CDH12: variants seen among roughly 807,000 people sequenced by gnomAD.
The protein encoded by CDH12 is cadherin-12.
Under a neutral mutation model 74.1 loss-of-function variants are expected in CDH12, and 41 were observed. The observed-to-expected ratio is 0.55, with a 90% CI of 0.43 to 0.72. The LOEUF is 0.72. Among genes scored for constraint, CDH12 ranks in the 30% least tolerant of loss-of-function variants. CDH12 has a pLI of 0.00. For missense variants in CDH12, 945 were observed against 977.2 expected, an observed-to-expected ratio of 0.97 and a Z score of 0.44; for synonymous variants, 399 against 355.0, an observed-to-expected ratio of 1.12 and a Z score of -1.39.
chr5:22,382,007 T>C (rs1741777083), intron 3 of CDH12, among the ~76,000 whole-genome samples: 2 of 148,572 alleles, frequency 1.3e-5, no homozygotes, highest in South Asian at 4.2e-4. Context: ...ATTGAGTCCC[T>C]TTATGTTGCT....
chr5:22,060,276 C>T (rs1741098366), intron 5 of CDH12, among the ~76,000 whole-genome samples: 2 of 149,296 alleles, frequency 1.3e-5, no homozygotes, highest in African/African-American at 2.5e-5. Context: ...AATAAGAACA[C>T]ATGGGCACAG....
chr5:22,688,354 G>T (rs1420076442), intron 1 of CDH12, among the ~76,000 whole-genome samples: 1 of 152,096 alleles, frequency 6.6e-6, no homozygotes, highest in Admixed American at 6.6e-5. Flanking sequence ...AGTCATGTGG[G>T]TATAATGATA....
At chr5:22,570,657 T>C (rs1739495930) in intron 1 of CDH12, among the ~76,000 whole-genome samples, 1 of 152,228 alleles carries the variant, frequency 6.6e-6, no homozygotes, top group Non-Finnish European at 1.5e-5. Context: ...AGATTTAGCA[T>C]AATTCTTAAG....
intron 1 of CDH12, among the ~76,000 whole-genome samples, chr5:22,715,543 A>T (rs540309889): frequency 6.6e-6 from 1 of 152,130 alleles, no homozygotes; most frequent in Admixed American, 6.6e-5. Context: ...TAGCAAATAC[A>T]TAGAAATACA....
intron 4 of CDH12, among the ~76,000 whole-genome samples, chr5:22,175,996 CT>C (rs1749315042): frequency 6.7e-6 from 1 of 148,578 alleles, no homozygotes; most frequent in Non-Finnish European, 1.5e-5. Context: ...CTGGTATCTC[CT>C]TCCCGGAACC....
chr5:22,474,166 C>G (rs1746076044), intron 2 of CDH12, among the ~76,000 whole-genome samples: 1 of 152,036 alleles, frequency 6.6e-6, no homozygotes, highest in Non-Finnish European at 1.5e-5. Context: ...TCCTGAAAAA[C>G]AGAGAAGGAT....
At chr5:21,760,822 T>C in intron 12 of CDH12, 147 bp from the exon 13 acceptor site, 1 of 649,264 alleles carries the variant, frequency 1.5e-6, no homozygotes, top group East Asian at 2.7e-5. Context: ...TTACACATAA[T>C]GTTTATAAAC....
intron 1 of CDH12, among the ~76,000 whole-genome samples, chr5:22,784,399 CT>C (rs1315194773): frequency 6.6e-6 from 1 of 152,128 alleles, no homozygotes; most frequent in Non-Finnish European, 1.5e-5. Flanking sequence ...ACTTAACACT[CT>C]TTCACCTTCC....
rs762886930 is a variant in CDH12, at chr5:22,060,835, G to A, written c.231+17611C>T. On this transcript the variant is annotated intron_variant, in intron 5 of 14. Transcript: ENST00000382254. ...CCCAGTAAAATAGAGAAAATGTCAC[G>A]CTCCGAAACAAAGGAGAAGAGTTGC... Among the ~76,000 whole-genome samples, 36 of 152,152 alleles carry A rather than the reference G, an allele frequency of 2.4e-4. 1 individual carries two copies. The highest frequency in any genetic ancestry group is 7.0e-4 in the African/African-American group (29 of 41,510).
At chr5:22,688,371 A>C (rs1025953298) in intron 1 of CDH12, among the ~76,000 whole-genome samples, 7 of 152,290 alleles carry the variant, frequency 4.6e-5, no homozygotes, top group African/African-American at 1.7e-4. Context: ...GATAAAGGAG[A>C]ATATAATTGC....
At chr5:22,703,507 C>A (rs1307722996) in intron 1 of CDH12, among the ~76,000 whole-genome samples, 2 of 151,952 alleles carry the variant, frequency 1.3e-5, no homozygotes, top group Non-Finnish European at 2.9e-5. Context: ...CCTTTTTCCC[C>A]CAAAATGAGT....
intron 3 of CDH12, among the ~76,000 whole-genome samples, chr5:22,328,345 G>C (rs766590000): frequency 6.6e-6 from 1 of 152,136 alleles, no homozygotes; most frequent in Non-Finnish European, 1.5e-5. Context: ...AGATATATCA[G>C]ACATATAAAG....
Position 22,123,521 on chromosome 5 carries a change from C to T in CDH12, c.-186-44659G>A, listed in dbSNP as rs183499951. 5.2e-3 allele frequency among the ~76,000 whole-genome samples: 790 copies of T among 151,924 alleles called. 4 individuals are homozygous for T. The highest frequency in any genetic ancestry group is 7.4e-3 in the Non-Finnish European group (504 of 67,988). On this transcript the variant is annotated intron_variant, in intron 4 of 14. Transcript: ENST00000382254. ...ATTAGCAACTGGGTATGTAGTCGTT[C>T]GATTTATTTTGAGGTCTAGAAAGCC...
intron 5 of CDH12, among the ~76,000 whole-genome samples, chr5:21,976,780 C>G (rs1757089245): frequency 6.6e-6 from 1 of 151,974 alleles, no homozygotes; most frequent in South Asian, 2.1e-4. Flanking sequence ...GAGCACTGCT[C>G]TTTGCAAATC....
chr5:21,989,449 G>T (rs1378302063), intron 5 of CDH12, among the ~76,000 whole-genome samples: 11 of 152,052 alleles, frequency 7.2e-5, no homozygotes, highest in African/African-American at 2.7e-4. Flanking sequence ...TGTACTTTCG[G>T]GTGTGTTTCC....
At chr5:22,190,614 G>A (rs1257333738) in intron 4 of CDH12, among the ~76,000 whole-genome samples, 2 of 152,180 alleles carry the variant, frequency 1.3e-5, no homozygotes, top group African/African-American at 2.4e-5. Flanking sequence ...TTATGGTTTG[G>A]CTGTGAGTTC....
chr5:22,683,454 GTAAA>G (rs964215015), intron 1 of CDH12, among the ~76,000 whole-genome samples: 3 of 152,106 alleles, frequency 2.0e-5, no homozygotes, highest in Non-Finnish European at 4.4e-5. Flanking sequence ...ATAAAAGGAA[GTAAA>G]TAATGATAAT....
intron 7 of CDH12, among the ~76,000 whole-genome samples, chr5:21,849,383 T>C: frequency 6.6e-6 from 1 of 151,874 alleles, no homozygotes; most frequent in East Asian, 1.9e-4. Flanking sequence ...AGTCTGACAA[T>C]GCAGAATACA....
At chr5:22,455,229 G>A (rs1328554504) in intron 2 of CDH12, among the ~76,000 whole-genome samples, 1 of 152,166 alleles carries the variant, frequency 6.6e-6, no homozygotes, top group African/African-American at 2.4e-5. Context: ...AAATTTGAAG[G>A]AGGCTTTTAC....
Sources: allele counts gnomAD v4.1 joint callset (sites outside exome capture counted in the v4.1 genomes callset), GRCh38; gene constraint gnomAD v4.1.1; transcripts MANE v1.5; gene names NCBI Gene and HGNC (gene_info 2026-07-23, HGNC 2026-07-21).